Variants in PTPRM observed in about 807,000 individuals in gnomAD.
The protein encoded by PTPRM is receptor-type tyrosine-protein phosphatase mu.
PTPRM carries 47 observed loss-of-function variants against 186.7 expected under a neutral mutation model. The ratio of observed to expected loss-of-function variants is 0.25; its 90% CI spans 0.20 to 0.32. The LOEUF (loss-of-function observed/expected upper bound fraction) is 0.32, where lower values mean the gene tolerates loss of function less well. PTPRM is among the 10% of genes least tolerant of loss of function. The pLI is 1.00. For missense variants in PTPRM, 1,494 were observed against 1,865.0 expected, an observed-to-expected ratio of 0.80 and a Z score of 3.66; for synonymous variants, 668 against 674.9, an observed-to-expected ratio of 0.99 and a Z score of 0.16.
chr18:7,957,205 C>A (rs1360758053), intron 7 of PTPRM, among the ~76,000 whole-genome samples: 1 of 144,806 alleles, frequency 6.9e-6, no homozygotes, highest in African/African-American at 2.6e-5. Flanking sequence ...TTTGCCTTTT[C>A]TTTTGGTTTT....
intron 19 of PTPRM, among the ~76,000 whole-genome samples, chr18:8,272,166 C>A (rs1463200518): frequency 3.4e-5 from 5 of 146,580 alleles, no homozygotes; most frequent in African/African-American, 1.3e-4. Context: ...GATTGTGCCA[C>A]TGCACTCCAA....
At chr18:7,946,805 C>G in intron 5 of PTPRM, 1 of 392,122 alleles carries the variant, frequency 2.6e-6, no homozygotes, top group South Asian at 1.9e-5. Context: ...TGGAACTGTT[C>G]TTCCCCACTC....
At chr18:8,276,976 G>C (rs926138871) in intron 19 of PTPRM, among the ~76,000 whole-genome samples, 1 of 150,324 alleles carries the variant, frequency 6.7e-6, no homozygotes, top group African/African-American at 2.4e-5. Flanking sequence ...GTCTCACTCT[G>C]TTGCCCAGGC....
At chr18:8,127,421 T>TTTG (rs1346319001) in intron 13 of PTPRM, among the ~76,000 whole-genome samples, 1 of 151,076 alleles carries the variant, frequency 6.6e-6, no homozygotes, top group East Asian at 1.9e-4. Context: ...CTGTATTGTT[T>TTTG]TTTTTTTTTT....
chr18:8,384,510 G>A (rs1348497771), intron 29 of PTPRM, 51 bp from the exon 30 acceptor site: 44 of 1,602,178 alleles, frequency 2.7e-5, no homozygotes, highest in Non-Finnish European at 3.3e-5. Flanking sequence ...AAACTGTTAG[G>A]AGTAAATTTC....
intron 7 of PTPRM, among the ~76,000 whole-genome samples, chr18:8,063,179 G>T (rs1329827492): frequency 2.0e-5 from 3 of 151,090 alleles, no homozygotes; most frequent in Non-Finnish European, 4.4e-5. Flanking sequence ...TTTTTAAGCC[G>T]GTCTGAAAAG....
At chr18:8,206,248 T>TTTTTATTTTATTTTATGTTA (rs1555796750) in intron 14 of PTPRM, among the ~76,000 whole-genome samples, 2 of 147,816 alleles carry the variant, frequency 1.4e-5, no homozygotes, top group Non-Finnish European at 3.0e-5. Flanking sequence ...CAAGGCTGAA[T>TTTTTATTTTATTTTATGTTA]TTTTATTTTA....
chr18:7,711,004 C>T (rs2040200374), intron 1 of PTPRM, among the ~76,000 whole-genome samples: 1 of 152,232 alleles, frequency 6.6e-6, no homozygotes, highest in Non-Finnish European at 1.5e-5. Flanking sequence ...ACTCAGTTCT[C>T]ATCAAAATAC....
intron 1 of PTPRM, among the ~76,000 whole-genome samples, chr18:7,768,641 T>TAC (rs1884035596): frequency 4.9e-5 from 5 of 102,620 alleles, no homozygotes; most frequent in Admixed American, 9.4e-5. Context: ...AAGATATATA[T>TAC]ATATATATTT....
At chr18:7,842,480 A>C (rs1007309238) in intron 2 of PTPRM, among the ~76,000 whole-genome samples, 15 of 152,330 alleles carry the variant, frequency 9.8e-5, no homozygotes, top group Middle Eastern at 3.4e-3. Flanking sequence ...ACAGAAGTCC[A>C]GACGTTGCCG....
At chr18:8,010,528 T>C (rs1046890079) in intron 7 of PTPRM, among the ~76,000 whole-genome samples, 3 of 152,220 alleles carry the variant, frequency 2.0e-5, no homozygotes, top group Admixed American at 6.5e-5. Flanking sequence ...AGAAAGAGGA[T>C]TCACCATGTT....
In PTPRM at chr18:8,145,740, C is replaced by T. The variant is rs564948265; in HGVS notation, c.2300+1961C>T. Among the ~76,000 whole-genome samples, 3 of 152,296 alleles carry T rather than the reference C, an allele frequency of 2.0e-5. No individual in the cohort carries two copies. In the East Asian group the frequency reaches 5.8e-4, roughly 29 times the overall value. ...TCTGTTTTCTTTATCAATTGATGGTCATTTAGGTTGGTTCCAAGTCTTTGC... is the reference window on the plus strand; with the variant it reads ...TCTGTTTTCTTTATCAATTGATGGTTATTTAGGTTGGTTCCAAGTCTTTGC... On this transcript the variant is annotated intron_variant, in intron 14 of 32. Coordinates refer to ENST00000580170, the MANE Select transcript of PTPRM (RefSeq NM_001105244.2).
intron 1 of PTPRM, among the ~76,000 whole-genome samples, chr18:7,669,219 G>A (rs182641138): frequency 6.6e-6 from 1 of 152,228 alleles, no homozygotes; most frequent in East Asian, 1.9e-4. Context: ...TCAGCAGGGG[G>A]ATCCTGCTGG....
intron 6 of PTPRM, among the ~76,000 whole-genome samples, chr18:7,950,311 G>C (rs1454492585): frequency 6.6e-6 from 1 of 152,186 alleles, no homozygotes; most frequent in Non-Finnish European, 1.5e-5. Flanking sequence ...GGCTGAGGTG[G>C]GAGGATTACC....
At chr18:8,188,641 G>T (rs575008418) in intron 14 of PTPRM, among the ~76,000 whole-genome samples, 1 of 152,310 alleles carries the variant, frequency 6.6e-6, no homozygotes, top group Admixed American at 6.5e-5. Flanking sequence ...TATTGGTGAA[G>T]ACCATCAAGT....
At chr18:8,249,514 A>C (rs924085837) in intron 17 of PTPRM, among the ~76,000 whole-genome samples, 1 of 152,222 alleles carries the variant, frequency 6.6e-6, no homozygotes, top group Non-Finnish European at 1.5e-5. Flanking sequence ...TGTAATCTAC[A>C]TACAAATGAC....
chr18:8,208,968 G>A (rs554580867), intron 14 of PTPRM, among the ~76,000 whole-genome samples: 33 of 152,296 alleles, frequency 2.2e-4, no homozygotes, highest in African/African-American at 7.7e-4. Flanking sequence ...CCTTGTGGCC[G>A]GAGCAGGATA....
chr18:8,305,345 G>A (rs1478861283), intron 20 of PTPRM, among the ~76,000 whole-genome samples: 2 of 152,174 alleles, frequency 1.3e-5, no homozygotes, highest in Non-Finnish European at 2.9e-5. Context: ...AAATGATCAG[G>A]TCTTGAATTA....
At chr18:7,836,639 G>A (rs913292497) in intron 2 of PTPRM, among the ~76,000 whole-genome samples, 3 of 152,038 alleles carry the variant, frequency 2.0e-5, no homozygotes, top group Non-Finnish European at 4.4e-5. Flanking sequence ...CTTTCTAATC[G>A]AGGTACTCCC....
Sources: gnomAD v4.1 joint callset for allele counts (sites outside exome capture counted in the v4.1 genomes callset) on GRCh38, gnomAD v4.1.1 for gene constraint, MANE v1.5 for transcripts, NCBI Gene and HGNC (gene_info 2026-07-23, HGNC 2026-07-21) for gene names.